The following SUPT3H variants were observed in gnomAD, a reference collection of about 807,000 sequenced individuals.
SUPT3H encodes the protein transcription initiation protein SPT3 homolog.
SUPT3H carries 44 observed loss-of-function variants against 44.3 expected under a neutral mutation model. The ratio of observed to expected loss-of-function variants is 0.99; its 90% CI spans 0.78 to 1.28. The LOEUF (loss-of-function observed/expected upper bound fraction) is 1.28, where lower values mean the gene tolerates loss of function less well. Among genes scored for constraint, SUPT3H ranks in the 50% most tolerant of loss-of-function variants. The probability of loss-of-function intolerance (pLI) is 0.00; values close to 1 mark genes in which losing one functional copy is unlikely to be tolerated. For synonymous variants in SUPT3H, 124 were observed against 125.6 expected (o/e 0.99, Z 0.09); for missense variants, 380 against 387.1 (o/e 0.98, Z 0.15).
At chr6:44,996,353 TCTTA>T (rs1781272664) in intron 6 of SUPT3H, among the ~76,000 whole-genome samples, 3 of 151,864 alleles carry the variant, frequency 2.0e-5, no homozygotes, top group African/African-American at 2.4e-5. Flanking sequence ...ACTAGAATGT[TCTTA>T]CTGATTTTAA....
At chr6:45,126,185 C>A (rs1335737535) in intron 2 of SUPT3H, among the ~76,000 whole-genome samples, 8 of 152,128 alleles carry the variant, frequency 5.3e-5, no homozygotes, top group Admixed American at 5.2e-4. Flanking sequence ...TGGAAAAAAA[C>A]CTCTGATTTA....
intron 10 of SUPT3H, among the ~76,000 whole-genome samples, chr6:44,895,756 T>C (rs546524484): frequency 4.6e-5 from 7 of 152,232 alleles, no homozygotes; most frequent in Admixed American, 1.3e-4. Context: ...GATTGGAGAA[T>C]TGGAGAACAA....
chr6:44,854,894 T>C (rs1773479096), intron 10 of SUPT3H, among the ~76,000 whole-genome samples: 1 of 152,218 alleles, frequency 6.6e-6, no homozygotes, highest in Non-Finnish European at 1.5e-5. Flanking sequence ...GGATTCATTA[T>C]ATTACTTAAG....
chr6:44,955,712 T>C (rs4475320), intron 7 of SUPT3H, among the ~76,000 whole-genome samples: 17,473 of 151,996 alleles, frequency 0.11, 1,415 homozygotes, highest in East Asian at 0.27. Context: ...ACAGTGGAAT[T>C]TGGGGACTCA....
chr6:44,857,293 T>C (rs1773899531), intron 10 of SUPT3H, among the ~76,000 whole-genome samples: 1 of 152,214 alleles, frequency 6.6e-6, no homozygotes, highest in Non-Finnish European at 1.5e-5. Flanking sequence ...AGTTTTATCT[T>C]AGTAAAAGGA....
chr6:45,197,833 A>G (rs1816334380), intron 2 of SUPT3H: 1 of 173,248 alleles, frequency 5.8e-6, no homozygotes, highest in Admixed American at 6.5e-5. Flanking sequence ...CAAAGTGTAA[A>G]GTGAGTCTAA....
intron 2 of SUPT3H, among the ~76,000 whole-genome samples, chr6:45,258,790 T>C (rs1294586611): frequency 2.0e-5 from 3 of 152,254 alleles, no homozygotes; most frequent in East Asian, 1.9e-4. Flanking sequence ...ACTTGAGTTA[T>C]GTGGAATTTA....
At chr6:45,294,319 G>A (rs1434614364) in intron 2 of SUPT3H, among the ~76,000 whole-genome samples, 2 of 152,032 alleles carry the variant, frequency 1.3e-5, no homozygotes, top group Non-Finnish European at 2.9e-5. Context: ...CAGCATACAA[G>A]GGATATACCT....
chr6:44,907,840 AT>A (rs138527602), intron 10 of SUPT3H, among the ~76,000 whole-genome samples: 31,322 of 152,152 alleles, frequency 0.21, 3,927 homozygotes, highest in Non-Finnish European at 0.29. Context: ...TTTGCTAAAA[AT>A]ATTAGTAATG....
chr6:44,861,248 T>C (rs189515832), intron 10 of SUPT3H, among the ~76,000 whole-genome samples: 6 of 152,034 alleles, frequency 3.9e-5, no homozygotes, highest in Non-Finnish European at 7.4e-5. Context: ...GGCTAGTTGT[T>C]TTATTTTTGT....
chr6:44,918,421 G>C (rs1768144191), intron 10 of SUPT3H, among the ~76,000 whole-genome samples: 2 of 152,160 alleles, frequency 1.3e-5, no homozygotes, highest in Admixed American at 6.5e-5. Flanking sequence ...CATCACTTTA[G>C]TCTGGACTTG....
chr6:44,942,753 G>A (rs1772665558), intron 9 of SUPT3H, among the ~76,000 whole-genome samples: 1 of 152,082 alleles, frequency 6.6e-6, no homozygotes, highest in Non-Finnish European at 1.5e-5. Context: ...TAACCCCTAA[G>A]TTCTTCCTGT....
chr6:45,189,098 G>C (rs77231926), intron 2 of SUPT3H, among the ~76,000 whole-genome samples: 1 of 151,922 alleles, frequency 6.6e-6, no homozygotes, highest in Non-Finnish European at 1.5e-5. Context: ...CACCAGATCC[G>C]ACCCACTGGC....
At chr6:44,983,366 A>T (rs76556530) in intron 6 of SUPT3H, among the ~76,000 whole-genome samples, 10,541 of 152,230 alleles carry the variant, frequency 0.069, 1,216 homozygotes, top group African/African-American at 0.24. Flanking sequence ...TATTGGACAC[A>T]TTTTAAGAAA....
chr6:45,000,268 TTTTTC>T lies in SUPT3H; in HGVS notation c.504+3380_504+3384del, dbSNP rs201320590. On this transcript the variant is annotated intron_variant, in intron 6 of 10. Coordinates refer to ENST00000371459, the MANE Select transcript of SUPT3H (RefSeq NM_003599.4). ...AATGTTTATCTTACTGGGATTAGCCTTTTTCTTTTATGTTAAGTATTATGTAAGAT... is the reference window on the plus strand; with the variant it reads ...AATGTTTATCTTACTGGGATTAGCCTTTTTATGTTAAGTATTATGTAAGAT... 9.5e-3 allele frequency among the ~76,000 whole-genome samples: 1,440 copies of T among 152,160 alleles called. 24 individuals carry two copies. The highest frequency in any genetic ancestry group is 0.033 in the African/African-American group (1,363 of 41,562).
chr6:45,272,256 T>C (rs1340133094), intron 2 of SUPT3H, among the ~76,000 whole-genome samples: 2 of 152,166 alleles, frequency 1.3e-5, no homozygotes, highest in Non-Finnish European at 2.9e-5. Context: ...TGAAATGATA[T>C]GGTTTGGCTG....
At chr6:44,994,165 T>C (rs1196458763) in intron 6 of SUPT3H, among the ~76,000 whole-genome samples, 1 of 152,136 alleles carries the variant, frequency 6.6e-6, no homozygotes, top group Non-Finnish European at 1.5e-5. Flanking sequence ...CAGTTATTAC[T>C]CTAGGACTGT....
intron 3 of SUPT3H, among the ~76,000 whole-genome samples, chr6:45,086,034 C>G (rs763074145): frequency 6.6e-6 from 1 of 152,016 alleles, no homozygotes; most frequent in Non-Finnish European, 1.5e-5. Context: ...AAGTCAAACA[C>G]TGAAGGTTGC....
At chr6:45,331,104 G>A (rs1232281788) in intron 2 of SUPT3H, among the ~76,000 whole-genome samples, 1 of 149,606 alleles carries the variant, frequency 6.7e-6, no homozygotes. Flanking sequence ...TACAATGAGT[G>A]GTGTGTGTGT....
Sources: gnomAD v4.1 joint callset for allele counts (sites outside exome capture counted in the v4.1 genomes callset) on GRCh38, gnomAD v4.1.1 for gene constraint, MANE v1.5 for transcripts, NCBI Gene and HGNC (gene_info 2026-07-23, HGNC 2026-07-21) for gene names.